The following ZNF33A variants were observed in gnomAD, a reference collection of about 807,000 sequenced individuals.
ZNF33A encodes zinc finger protein 33A.
Under a neutral mutation model 15.9 loss-of-function variants are expected in ZNF33A, and 9 were observed. That is an observed-to-expected ratio of 0.57 (90% CI 0.34 to 0.99). The LOEUF is 0.99. Ranked by LOEUF, ZNF33A falls within the 50% of genes least tolerant of loss-of-function variation. The probability of loss-of-function intolerance (pLI) is 0.02; values close to 1 mark genes in which losing one functional copy is unlikely to be tolerated. For missense variants in ZNF33A, 843 were observed against 941.6 expected (o/e 0.90, Z 1.37); for synonymous variants, 294 against 324.2 (o/e 0.91, Z 1.00).
chr10:38,017,136 T>C, intron 3 of ZNF33A, 121 bp downstream of exon 3: 1 of 1,458,210 alleles, frequency 6.9e-7, no homozygotes, highest in East Asian at 2.3e-5. Flanking sequence ...TCAGTGTTGA[T>C]TGATCACCTC....
chr10:38,052,512 A>G (rs1332421053), intron 4 of ZNF33A, among the ~76,000 whole-genome samples: 2 of 152,180 alleles, frequency 1.3e-5, no homozygotes, highest in Admixed American at 6.5e-5. Flanking sequence ...TATTGCTAAC[A>G]TGTTTTGTTG....
At chr10:38,026,449 C>CT (rs1405381448) in intron 4 of ZNF33A, among the ~76,000 whole-genome samples, 1 of 152,196 alleles carries the variant, frequency 6.6e-6, no homozygotes, top group African/African-American at 2.4e-5. Flanking sequence ...ATTCTTCTGA[C>CT]TCAGCTTCCC....
intron 4 of ZNF33A, among the ~76,000 whole-genome samples, chr10:38,031,920 G>A (rs1267437389): frequency 1.3e-5 from 2 of 151,892 alleles, no homozygotes; most frequent in Admixed American, 6.6e-5. Flanking sequence ...CTGAGATGGC[G>A]CCACTGCACT....
At chr10:38,017,049 A>T in intron 3 of ZNF33A, 34 bp downstream of exon 3, 2 of 1,584,884 alleles carry the variant, frequency 1.3e-6, no homozygotes, top group South Asian at 2.3e-5. Flanking sequence ...TCTAAATAGC[A>T]TTTGTTTATT....
intron 4 of ZNF33A, 131 bp downstream of exon 4, chr10:38,017,517 G>A (rs551684157): frequency 4.1e-5 from 25 of 602,810 alleles, no homozygotes; most frequent in Admixed American, 1.1e-4. Flanking sequence ...TGGAAGTGAT[G>A]GAGAATATTG....
At chr10:38,013,054 G>A (rs1199151945) in intron 2 of ZNF33A, among the ~76,000 whole-genome samples, 1 of 152,084 alleles carries the variant, frequency 6.6e-6, no homozygotes, top group Non-Finnish European at 1.5e-5. Flanking sequence ...TTTCACACAG[G>A]TTCCAGTTTT....
chr10:38,064,820 A>G, downstream of ZNF33A: 1 of 152,266 alleles, frequency 6.6e-6, no homozygotes, highest in South Asian at 2.1e-4. Flanking sequence ...AAAGCATTTC[A>G]TAACACACAA....
chr10:38,020,703 A>T (rs963488249), intron 4 of ZNF33A, among the ~76,000 whole-genome samples: 1 of 152,132 alleles, frequency 6.6e-6, no homozygotes, highest in African/African-American at 2.4e-5. Context: ...TCCATTGTGT[A>T]TATGTACCAC....
chr10:38,021,126 A>G (rs1326086295), intron 4 of ZNF33A, among the ~76,000 whole-genome samples: 1 of 152,182 alleles, frequency 6.6e-6, no homozygotes, highest in East Asian at 1.9e-4. Flanking sequence ...ATAATGAACA[A>G]CATAGGTTGA....
intron 4 of ZNF33A, among the ~76,000 whole-genome samples, chr10:38,030,579 G>T (rs761543613): frequency 1.3e-5 from 2 of 152,188 alleles, no homozygotes; most frequent in Non-Finnish European, 2.9e-5. Flanking sequence ...ATGATATTAA[G>T]AGTGTAAAAA....
chr10:38,028,485 G>A (rs1410647734), intron 4 of ZNF33A, among the ~76,000 whole-genome samples: 60 of 142,196 alleles, frequency 4.2e-4, no homozygotes, highest in Admixed American at 4.1e-3. Context: ...TTTTTTTTTC[G>A]AGACAAAAGT....
At chr10:38,029,056 T>G (rs1659807738) in intron 4 of ZNF33A, among the ~76,000 whole-genome samples, 1 of 152,216 alleles carries the variant, frequency 6.6e-6, no homozygotes, top group African/African-American at 2.4e-5. Flanking sequence ...CCATTTATCT[T>G]TTAAGTCCCG....
chr10:38,016,375 C>G (rs1459548716), intron 2 of ZNF33A, among the ~76,000 whole-genome samples: 1 of 152,192 alleles, frequency 6.6e-6, no homozygotes. Context: ...CAGGCCATCT[C>G]CTGTGCTGTC....
At chr10:38,046,753 A>G (rs976093757) in intron 4 of ZNF33A, among the ~76,000 whole-genome samples, 11 of 152,220 alleles carry the variant, frequency 7.2e-5, no homozygotes, top group African/African-American at 2.7e-4. Flanking sequence ...ATAGTATTAT[A>G]ATTGGATTCC....
In ZNF33A at chr10:38,055,205, G is replaced by C. The variant is rs1410404882; in HGVS notation, c.1081G>C (p.Glu361Gln). The C allele has an allele frequency of 4.3e-6, 7 of 1,614,114 alleles. No homozygotes were observed. The highest frequency in any genetic ancestry group is 5.9e-6 in the Non-Finnish European group (7 of 1,179,988). The change falls in exon 5 of 5, where the codon GAA becomes CAA. Residue 361 changes from glutamate (E) to glutamine (Q), a missense_variant. Transcript: ENST00000432900. ...AGGACAGAAACCCTTTCAATGTAAT[G>C]AATGTGAAAAAGCTTTCTGGGATAA... is the stretch of plus-strand genomic sequence containing the variant. ...HTGQKPFQCN[E>Q]CEKAFWDKSN...
intron 2 of ZNF33A, among the ~76,000 whole-genome samples, chr10:38,013,319 C>T (rs2064286999): frequency 6.6e-6 from 1 of 151,842 alleles, no homozygotes; most frequent in Admixed American, 6.6e-5. Flanking sequence ...CCGTGTTGGC[C>T]AGGATGGTCT....
chr10:38,056,608 A>G lies in ZNF33A; in HGVS notation c.*48A>G. ...TTACTCCAAAGTAATAGTAGGGGAT[A>G]AACCCATAGACTACAACAATTATAG... On this transcript the variant is annotated 3_prime_UTR_variant, in exon 5 of 5. Coordinates refer to ENST00000432900, the MANE Select transcript of ZNF33A (RefSeq NM_006954.2). 6.6e-7 allele frequency: 1 copy of G among 1,518,916 alleles called. No individual in the cohort carries two copies. Among genetic ancestry groups the G allele is most frequent in the Non-Finnish European group, 8.8e-7 (1 of 1,140,332 alleles). 94.1% of individuals were successfully genotyped at this position (1,518,916 alleles called of 1,614,324 possible). A position where few individuals can be genotyped will look rare whatever the true frequency, so the allele number is the denominator to read the frequency against.
At chr10:38,020,712 A>G (rs1369940399) in intron 4 of ZNF33A, among the ~76,000 whole-genome samples, 1 of 152,190 alleles carries the variant, frequency 6.6e-6, no homozygotes, top group Non-Finnish European at 1.5e-5. Context: ...TATATGTACC[A>G]CATTTTCTTT....
At chr10:38,015,816 C>T (rs77133203) in intron 2 of ZNF33A, among the ~76,000 whole-genome samples, 2,217 of 152,086 alleles carry the variant, frequency 0.015, 54 homozygotes, top group African/African-American at 0.05. Context: ...TTATCCGTGC[C>T]CTATTTGCAT....
Sources: gnomAD v4.1 joint callset for allele counts (sites outside exome capture counted in the v4.1 genomes callset) on GRCh38, gnomAD v4.1.1 for gene constraint, MANE v1.5 for transcripts, NCBI Gene and HGNC (gene_info 2026-07-23, HGNC 2026-07-21) for gene names.